C9orf57: variants seen among roughly 807,000 people sequenced by gnomAD.
The protein encoded by C9orf57 is chromosome 9 open reading frame 57, also known as uncharacterized protein C9orf57.
A neutral mutation model predicts 12.9 loss-of-function variants in C9orf57; 12 were observed. The ratio of observed to expected loss-of-function variants is 0.93; its 90% CI spans 0.60 to 1.51. C9orf57 has a LOEUF of 1.51. Among genes scored for constraint, C9orf57 ranks in the 40% most tolerant of loss-of-function variants. The pLI is 0.00. For missense variants in C9orf57, 141 were observed against 162.8 expected, an observed-to-expected ratio of 0.87 and a Z score of 0.73; for synonymous variants, 49 against 57.1, an observed-to-expected ratio of 0.86 and a Z score of 0.64.
chr9:72,052,468 T>C, intron 4 of C9orf57, 33 bp from the exon 5 acceptor site: 1 of 1,547,404 alleles, frequency 6.5e-7, no homozygotes, highest in South Asian at 1.2e-5. Flanking sequence ...GGAAATTTCT[T>C]GGGAGGTACA....
At chr9:72,055,108 ATT>A (rs893438077) in intron 4 of C9orf57, among the ~76,000 whole-genome samples, 2 of 125,364 alleles carry the variant, frequency 1.6e-5, no homozygotes, top group African/African-American at 2.6e-5. Flanking sequence ...ATATATATAT[ATT>A]TTTTTTTGTA....
At chr9:72,054,065 C>A (rs11143087) in intron 4 of C9orf57, among the ~76,000 whole-genome samples, 24,677 of 152,202 alleles carry the variant, frequency 0.16, 2,128 homozygotes, top group East Asian at 0.27. Context: ...ATGGCATGAT[C>A]TTGGCTCACC....
rs575305821 is a variant in C9orf57, at chr9:72,059,170, C to A, written c.97+65G>T. 2.1e-5 allele frequency: 32 copies of A among 1,541,796 alleles called. No homozygotes were observed. In the East Asian group the frequency reaches 7.8e-4, roughly 38 times the overall value. ...CTGGGATTACAGGCGTGAGCCGCCA[C>A]GCTCGGCCCTACAATTTCTTAATAA... On this transcript the variant is annotated intron_variant, in intron 2 of 4. Coordinates refer to ENST00000651200, the MANE Select transcript of C9orf57 (RefSeq NM_001128618.2).
At chr9:72,060,348 G>A in intron 1 of C9orf57, 149 bp downstream of exon 1, 1 of 591,504 alleles carries the variant, frequency 1.7e-6, no homozygotes, top group South Asian at 2.1e-5. Context: ...CCCGGCCTAT[G>A]AATTATTAAT....
At chr9:72,056,326 T>G in intron 3 of C9orf57, 130 bp from the exon 4 acceptor site, 2 of 363,884 alleles carry the variant, frequency 5.5e-6, no homozygotes, top group Non-Finnish European at 8.4e-6. Flanking sequence ...GTTATATATA[T>G]ATTTTATGTT....
At position 72,051,476 on chromosome 9, in the gene C9orf57, A is replaced by T. The variant is rs1228059883; in HGVS notation, c.*820T>A. On this transcript the variant is annotated 3_prime_UTR_variant, in exon 5 of 5. Transcript: ENST00000651200. The stretch of plus-strand genomic sequence containing the variant: ...ATTTTAAATTAAATTAAATTAATGC[A>T]GTACTCTTCATGCTGCCAAAGTAGG... 6.6e-6 allele frequency: 1 copy of T among 152,224 alleles called. No homozygotes were observed. Among genetic ancestry groups the T allele is most frequent in the Non-Finnish European group, 1.5e-5 (1 of 68,040 alleles). The allele number at this position is 152,224 out of a possible 1,614,324, so 9.4% of individuals were successfully genotyped here.
chr9:72,059,234 CCACCTAAGCGGCCGAATAAGATAA>C lies in C9orf57; in HGVS notation c.74_97del (p.Val25_Gly32del). On this transcript the variant is annotated inframe_deletion and splice_region_variant, in exon 2 of 5. Coordinates refer to ENST00000651200, the MANE Select transcript of C9orf57 (RefSeq NM_001128618.2). The stretch of plus-strand genomic sequence containing the variant: ...TAACTTATGCTTTCCTAATGACTTA[CCACCTAAGCGGCCGAATAAGATAA>C]CACCTAAGAGGCGGAATAAGATAAC... The C allele has an allele frequency of 1.3e-6, 2 of 1,551,646 alleles. No individual in the cohort carries two copies. Among genetic ancestry groups the C allele is most frequent in the Non-Finnish European group, 1.7e-6 (2 of 1,146,978 alleles).
Position 72,051,981 on chromosome 9 carries a change from A to G in C9orf57, c.*315T>C. On this transcript the variant is annotated 3_prime_UTR_variant, in exon 5 of 5. Transcript: ENST00000651200. ...AGGGAAATGAAAGTAGTTAGAGGTGACATGCCTAGTTTGACTTGGAGAATC... is the reference window on the plus strand; with the variant it reads ...AGGGAAATGAAAGTAGTTAGAGGTGGCATGCCTAGTTTGACTTGGAGAATC... 1 of 272,916 alleles carries G rather than the reference A, an allele frequency of 3.7e-6. No individual in the cohort carries two copies. Among genetic ancestry groups the G allele is most frequent in the South Asian group, 7.0e-5 (1 of 14,332 alleles). The allele number at this position is 272,916 out of a possible 1,614,324, so 16.9% of individuals were successfully genotyped here.
chr9:72,060,372 C>T, intron 1 of C9orf57, 125 bp downstream of exon 1: 1 of 643,896 alleles, frequency 1.6e-6, no homozygotes, highest in East Asian at 2.8e-5. Context: ...ACTTTCACTG[C>T]AAAAGACCTT....
In C9orf57 at chr9:72,051,388, T is replaced by G. The variant is rs539722013; in HGVS notation, c.*908A>C. ...AAGACAGACAAGATTTTATTGACAT[T>G]TATTATTTATTTTTTGAATTTTCAA... is the stretch of plus-strand genomic sequence containing the variant. On this transcript the variant is annotated 3_prime_UTR_variant, in exon 5 of 5. Coordinates refer to ENST00000651200, the MANE Select transcript of C9orf57 (RefSeq NM_001128618.2). 2 of 152,264 alleles carry G rather than the reference T, an allele frequency of 1.3e-5. No individual in the cohort carries two copies. Among genetic ancestry groups the G allele is most frequent in the East Asian group, 3.9e-4 (2 of 5,188 alleles). 9.4% of individuals were successfully genotyped at this position (152,264 alleles called of 1,614,324 possible).
intron 2 of C9orf57, among the ~76,000 whole-genome samples, chr9:72,057,237 T>G (rs1398680488): frequency 1.3e-5 from 2 of 151,214 alleles, no homozygotes; most frequent in South Asian, 4.2e-4. Flanking sequence ...AAATTATTAT[T>G]TTTTTTTGAG....
At chr9:72,059,170 C>T (rs575305821) in intron 2 of C9orf57, 65 bp downstream of exon 2, 34 of 1,541,678 alleles carry the variant, frequency 2.2e-5, no homozygotes, top group East Asian at 7.3e-5. Flanking sequence ...TGAGCCGCCA[C>T]GCTCGGCCCT....
intron 4 of C9orf57, among the ~76,000 whole-genome samples, chr9:72,053,166 T>A (rs1589298644): frequency 6.6e-6 from 1 of 151,970 alleles, no homozygotes; most frequent in Non-Finnish European, 1.5e-5. Context: ...CAGGGTGGGG[T>A]TGGAGGTGCT....
At chr9:72,054,410 C>T (rs887657062) in intron 4 of C9orf57, among the ~76,000 whole-genome samples, 3 of 152,150 alleles carry the variant, frequency 2.0e-5, no homozygotes, top group Non-Finnish European at 2.9e-5. Flanking sequence ...AATAGAATTG[C>T]TTTGTCGAAG....
intron 2 of C9orf57, among the ~76,000 whole-genome samples, chr9:72,058,093 G>A (rs972101416): frequency 2.6e-5 from 4 of 152,210 alleles, no homozygotes; most frequent in African/African-American, 4.8e-5. Context: ...AGAAATAGCT[G>A]AGGGGATATG....
intron 4 of C9orf57, among the ~76,000 whole-genome samples, chr9:72,055,725 C>T (rs1407084702): frequency 6.6e-6 from 1 of 152,054 alleles, no homozygotes; most frequent in Non-Finnish European, 1.5e-5. Flanking sequence ...TTTAGAAGGG[C>T]TCTGAAAATT....
Position 72,054,147 on chromosome 9 carries a change from C to T in C9orf57, c.281-1712G>A, listed in dbSNP as rs542808022. Among the ~76,000 whole-genome samples the T allele has an allele frequency of 1.4e-4, 21 of 152,284 alleles. No homozygotes were observed. In the East Asian group the frequency reaches 1.5e-3, roughly 11 times the overall value. The stretch of plus-strand genomic sequence containing the variant: ...CCAGGTAGCTGGGATTACAGGCATG[C>T]GCCACCACACCCGGCTAATTTTGTA... On this transcript the variant is annotated intron_variant, in intron 4 of 4. Transcript: ENST00000651200.
chr9:72,052,360 C>T lies in C9orf57; in HGVS notation c.356G>A (p.Arg119Lys). 1.3e-6 allele frequency: 2 copies of T among 1,551,958 alleles called. No homozygotes were observed. The highest frequency in any genetic ancestry group is 1.7e-6 in the Non-Finnish European group (2 of 1,147,020). Residue 119 changes from arginine (R) to lysine (K), a missense_variant, in exon 5 of 5, where the codon AGA becomes AAA. Physicochemically the swap from Arg to Lys is conservative, Grantham distance 26 (BLOSUM62 2). Coordinates refer to ENST00000651200, the MANE Select transcript of C9orf57 (RefSeq NM_001128618.2). ...SECFKSTLVK[R>K]ILQLHELVTT... The stretch of plus-strand genomic sequence containing the variant: ...TACAAGTTCATGCAGTTGCAGAATT[C>T]TCTTGACGAGAGTACTCTTGAAGCA...
At chr9:72,053,396 T>C (rs747690282) in intron 4 of C9orf57, among the ~76,000 whole-genome samples, 3 of 152,240 alleles carry the variant, frequency 2.0e-5, no homozygotes, top group Non-Finnish European at 2.9e-5. Context: ...CCGAACACTG[T>C]AGTCATTCCA....
Sources: allele counts gnomAD v4.1 joint callset (sites outside exome capture counted in the v4.1 genomes callset), GRCh38; gene constraint gnomAD v4.1.1; transcripts MANE v1.5; gene names NCBI Gene and HGNC (gene_info 2026-07-23, HGNC 2026-07-21).